GATB: variants seen among roughly 807,000 people sequenced by gnomAD.
GATB encodes the protein glutamyl-tRNA amidotransferase subunit B.
GATB carries 39 observed loss-of-function variants against 62.3 expected under a neutral mutation model. The ratio of observed to expected loss-of-function variants is 0.63; its 90% confidence interval spans 0.48 to 0.82. The LOEUF is 0.82. Among genes scored for constraint, GATB ranks in the 40% least tolerant of loss-of-function variants. The pLI, the probability that GATB is intolerant of heterozygous loss-of-function variation, is 0.00. For missense variants in GATB, 670 were observed against 684.0 expected (o/e 0.98, Z 0.23); for synonymous variants, 276 against 258.9 (o/e 1.07, Z -0.63).
intron 2 of GATB, among the ~76,000 whole-genome samples, chr4:151,754,634 GT>G (rs1288427894): frequency 6.6e-6 from 1 of 151,974 alleles, no homozygotes; most frequent in African/African-American, 2.4e-5. Flanking sequence ...TATAACAATT[GT>G]TTTAAGTGAC....
rs899493783 is a variant in GATB at position 151,697,741 on chromosome 4, A to C, written c.1197+3588T>G. On this transcript the variant is annotated intron_variant, in intron 9 of 12. Coordinates refer to ENST00000263985, the MANE Select transcript of GATB (RefSeq NM_004564.3). ...AAGTTGCCTTGATATATATATTTAT[A>C]TACATACACATGCACAAAATCAAGT... Among the ~76,000 whole-genome samples, 5 of 148,588 alleles carry C rather than the reference A, an allele frequency of 3.4e-5. No individual in the cohort carries two copies. In the Admixed American group the frequency reaches 3.4e-4, roughly 10 times the overall value.
At chr4:151,718,849 G>GA (rs1238344580) in intron 3 of GATB, among the ~76,000 whole-genome samples, 1 of 152,152 alleles carries the variant, frequency 6.6e-6, no homozygotes, top group Non-Finnish European at 1.5e-5. Context: ...TTAATTTTCA[G>GA]AAAAAAGCGG....
At chr4:151,733,885 G>A (rs1739317997) in intron 2 of GATB, among the ~76,000 whole-genome samples, 1 of 152,098 alleles carries the variant, frequency 6.6e-6, no homozygotes, top group South Asian at 2.1e-4. Flanking sequence ...AAGGGCATTC[G>A]ACAAAATCCA....
chr4:151,695,598 T>C (rs1275033346), intron 9 of GATB, among the ~76,000 whole-genome samples: 2 of 152,004 alleles, frequency 1.3e-5, no homozygotes, highest in African/African-American at 2.4e-5. Flanking sequence ...GATCTTCCCG[T>C]CTACTGACTG....
rs1422551160 is a variant in GATB at position 151,672,771 on chromosome 4, A to T, written c.1536T>A (p.His512Gln). 6.2e-7 allele frequency: 1 copy of T among 1,613,844 alleles called. No homozygotes were observed. The highest frequency in any genetic ancestry group is 2.2e-5 in the East Asian group (1 of 44,884). Residue 512 changes from histidine to glutamine, a missense_variant, in exon 12 of 13, where the codon CAT (histidine) becomes CAA (glutamine). Coordinates refer to ENST00000263985, the MANE Select transcript of GATB (RefSeq NM_004564.3). Reference sequence around the variant, plus strand: ...TGCCCGAGATAGTCACCACTTGAGGATGGGCCTCCATCACAGAGTGGCAGA... The same window carrying T: ...TGCCCGAGATAGTCACCACTTGAGGTTGGGCCTCCATCACAGAGTGGCAGA... Reference protein sequence around the residue: ...EQLCHSVMEAHPQVVMDVKNR... With the variant: ...EQLCHSVMEAQPQVVMDVKNR...
At chr4:151,735,695 C>CA (rs1739357065) in intron 2 of GATB, among the ~76,000 whole-genome samples, 1 of 140,178 alleles carries the variant, frequency 7.1e-6, no homozygotes, top group South Asian at 2.5e-4. Context: ...GGAACCAACC[C>CA]AAATGCCCAT....
intron 9 of GATB, among the ~76,000 whole-genome samples, chr4:151,697,951 GTGTATATATATATATATA>G (rs1275150995): frequency 1.0e-4 from 3 of 28,638 alleles, no homozygotes; most frequent in East Asian, 2.3e-3. Flanking sequence ...GTGTGTGTGT[GTGTATATATATATATATA>G]TATATATATA....
chr4:151,732,115 C>T (rs1241804177), intron 2 of GATB, among the ~76,000 whole-genome samples: 15 of 148,262 alleles, frequency 1.0e-4, no homozygotes, highest in South Asian at 2.2e-4. Flanking sequence ...GGGGAGCCTC[C>T]GCCCGGCCAC....
chr4:151,703,802 C>T lies in GATB; in HGVS notation c.1007+49G>A, dbSNP rs569053952. ...TTGAACTTTAAATGAACTTGAAATA[C>T]GCCCCAGCCCCCGATATATAGCGGT... On this transcript the variant is annotated intron_variant, in intron 8 of 12. Coordinates refer to ENST00000263985, the MANE Select transcript of GATB (RefSeq NM_004564.3). 1.3e-4 allele frequency: 168 copies of T among 1,251,174 alleles called. 2 individuals are homozygous for T. Among genetic ancestry groups the T allele is most frequent in the South Asian group, 7.4e-4 (62 of 83,736 alleles). 77.5% of individuals were successfully genotyped at this position (1,251,174 alleles called of 1,614,324 possible).
chr4:151,671,251 A>C lies in GATB; in HGVS notation c.1597T>G (p.Leu533Val). 6.2e-7 allele frequency: 1 copy of C among 1,614,012 alleles called. No homozygotes were observed. The highest frequency in any genetic ancestry group is 2.2e-5 in the East Asian group (1 of 44,874). Residue 533 changes from leucine to valine, a missense_variant, in exon 13 of 13, where the codon TTG becomes GTG. Leu to Val is a conservative substitution (Grantham distance 32). Coordinates refer to ENST00000263985, the MANE Select transcript of GATB (RefSeq NM_004564.3). ...CGGCTTTGAGTCGCTTTCCGGACCA[A>C]CCCAATCAGTTTATTTATAGCTCTG... ...NPRAINKLIG[L>V]VRKATQSRAD...
Position 151,698,976 on chromosome 4 carries a change from T to C in GATB, c.1197+2353A>G, listed in dbSNP as rs537618083. Among the ~76,000 whole-genome samples the C allele has an allele frequency of 2.0e-5, 3 of 152,094 alleles. No homozygotes were observed. The South Asian group carries it at 6.2e-4, about 32-fold the overall frequency. On this transcript the variant is annotated intron_variant, in intron 9 of 12. Coordinates refer to ENST00000263985, the MANE Select transcript of GATB (RefSeq NM_004564.3). ...TGTAATCTGTCCTGTGGGCTGGTTA[T>C]TGTAGTGGGGTGTGTGTGTGTGTGC...
Position 151,760,941 on chromosome 4 carries a change from A to G in GATB, c.42T>C (p.Arg14=), listed in dbSNP as rs754891464. Residue 14 remains arginine, a synonymous_variant, in exon 1 of 13, where the codon CGT becomes CGC. Coordinates refer to ENST00000263985, the MANE Select transcript of GATB (RefSeq NM_004564.3). Reference sequence around the variant, plus strand: ...CACCGTCAACCCGGGCGAAAGCCCAACGTCTTCCACGGCAGCCCCAGCGCA... The same window carrying G: ...CACCGTCAACCCGGGCGAAAGCCCAGCGTCTTCCACGGCAGCCCCAGCGCA... ...PMLRWGCRGR[R]WAFARVDGGS... The G allele has an allele frequency of 6.2e-6, 10 of 1,613,468 alleles. No individual in the cohort carries two copies. Among genetic ancestry groups the G allele is most frequent in the East Asian group, 4.5e-5 (2 of 44,890 alleles).
chr4:151,709,493 A>T (rs552763839), intron 5 of GATB, among the ~76,000 whole-genome samples: 1 of 152,132 alleles, frequency 6.6e-6, no homozygotes, highest in South Asian at 2.1e-4. Flanking sequence ...ACTATTCCTG[A>T]CACCGTGAGA....
Position 151,698,481 on chromosome 4 carries a change from T to C in GATB, c.1197+2848A>G, listed in dbSNP as rs545889430. ...GCTCTGCAAAGCACACCTCCACCAC[T>C]GCTATTTATTTAATGAATACTCCTG... On this transcript the variant is annotated intron_variant, in intron 9 of 12. Coordinates refer to ENST00000263985, the MANE Select transcript of GATB (RefSeq NM_004564.3). Among the ~76,000 whole-genome samples the C allele has an allele frequency of 5.6e-4, 85 of 152,244 alleles. 1 individual carries two copies. Among genetic ancestry groups the C allele is most frequent in the African/African-American group, 2.0e-3 (82 of 41,542 alleles).
chr4:151,702,268 T>TA (rs1738621764), intron 8 of GATB, among the ~76,000 whole-genome samples: 1 of 151,438 alleles, frequency 6.6e-6, no homozygotes, highest in Admixed American at 6.6e-5. Flanking sequence ...TTTACATAAA[T>TA]AAAAAATGAA....
chr4:151,748,493 C>T (rs1260708520), intron 2 of GATB, among the ~76,000 whole-genome samples: 2 of 152,150 alleles, frequency 1.3e-5, no homozygotes, highest in Non-Finnish European at 1.5e-5. Flanking sequence ...CTTCTTTACA[C>T]CTTATACAAA....
chr4:151,680,422 A>C (rs1190705886), intron 10 of GATB, among the ~76,000 whole-genome samples: 4 of 151,852 alleles, frequency 2.6e-5, no homozygotes, highest in African/African-American at 9.7e-5. Context: ...AACCTGATAC[A>C]TAACTCTCTT....
At chr4:151,698,126 A>G (rs1462341031) in intron 9 of GATB, among the ~76,000 whole-genome samples, 2 of 151,580 alleles carry the variant, frequency 1.3e-5, no homozygotes, top group African/African-American at 2.4e-5. Flanking sequence ...CTTTGGAAAC[A>G]GGGATGCTTT....
intron 2 of GATB, among the ~76,000 whole-genome samples, chr4:151,749,227 A>T (rs991667398): frequency 2.0e-5 from 3 of 152,218 alleles, no homozygotes; most frequent in African/African-American, 7.2e-5. Context: ...TTATTGCGGC[A>T]CTATTCACAA....
Sources: gnomAD v4.1 joint callset for allele counts (sites outside exome capture counted in the v4.1 genomes callset) on GRCh38, gnomAD v4.1.1 for gene constraint, MANE v1.5 for transcripts, NCBI Gene and HGNC (gene_info 2026-07-23, HGNC 2026-07-21) for gene names.